The following CAND2 variants were observed in gnomAD, a reference collection of about 807,000 sequenced individuals.
CAND2 encodes cullin associated and neddylation dissociated 2 (putative).
Under a neutral mutation model 98.9 loss-of-function variants are expected in CAND2, and 62 were observed. The observed-to-expected ratio is 0.63, with a 90% CI of 0.51 to 0.77. The LOEUF (loss-of-function observed/expected upper bound fraction) is 0.77, where lower values mean the gene tolerates loss of function less well. Among genes scored for constraint, CAND2 ranks in the 30% least tolerant of loss-of-function variants. The pLI is 0.00. For synonymous variants in CAND2, 770 were observed against 731.9 expected, an observed-to-expected ratio of 1.05 and a Z score of -0.84; for missense variants, 1,501 against 1,655.2, an observed-to-expected ratio of 0.91 and a Z score of 1.62.
At position 12,810,262 on chromosome 3, in the gene CAND2, C is replaced by A. The variant is rs970125797; in HGVS notation, c.695C>A (p.Thr232Asn). Residue 232 changes from threonine (T) to asparagine (N), a missense_variant, in exon 5 of 15, where the codon ACT becomes AAT. Physicochemically the swap from Thr to Asn is moderately conservative, Grantham distance 65. Transcript: ENST00000456430. ...GGCCCGCGGGTGCCCACCAGCCCGA[C>A]TGCCATCCGCACCCTGATCCAATGT... is the stretch of plus-strand genomic sequence containing the variant. ...LPGPRVPTSP[T>N]AIRTLIQCLG... The A allele has an allele frequency of 3.3e-6, 5 of 1,514,174 alleles. No homozygotes were observed. In the Admixed American group the frequency reaches 6.3e-5, roughly 19 times the overall value. The allele number at this position is 1,514,174 out of a possible 1,614,324, so 93.8% of individuals were successfully genotyped here.
chr3:12,819,011 C>T (rs549061047), intron 10 of CAND2, among the ~76,000 whole-genome samples: 1 of 152,348 alleles, frequency 6.6e-6, no homozygotes, highest in Admixed American at 6.5e-5. Context: ...TGCTGGGAAG[C>T]TTAGAGCCAG....
rs757999829 is a variant in CAND2 at position 12,815,337 on chromosome 3, C to T, written c.1203C>T (p.Ile401=). 1.4e-5 allele frequency: 23 copies of T among 1,613,860 alleles called. No homozygotes were observed. The highest frequency in any genetic ancestry group is 4.0e-5 in the African/African-American group (3 of 74,930). The change falls in exon 8 of 15, where the codon ATC becomes ATT. Residue 401 remains isoleucine, a synonymous_variant. Coordinates refer to ENST00000456430, the MANE Select transcript of CAND2 (RefSeq NM_001162499.2). This position sits in a 1 kb window ranked among gnomAD's most constrained non-coding sequence, Gnocchi z 5.7. ...AGGCTGACGTCTTCACTGCTTACATCGTGCTGCTGCGGCAAACACAGCCCC... is the reference window on the plus strand; with the variant it reads ...AGGCTGACGTCTTCACTGCTTACATTGTGCTGCTGCGGCAAACACAGCCCC... ...NVKADVFTAY[I]VLLRQTQPPK... is the part of the protein sequence containing the mutation.
In CAND2 at chr3:12,807,458, C is replaced by A. The variant is rs1228426759; in HGVS notation, c.365C>A (p.Thr122Lys). The stretch of plus-strand genomic sequence containing the variant: ...CTCTCGGAGCTCCCTCCTGCAGCCA[C>A]AGGTACCCAGGTCCCCAGGACTAGG... The part of the protein sequence containing the change: ...TVLSELPPAA[T>K]GSGLATNVCR... The change falls in exon 3 of 15, where the codon ACA becomes AAA. Residue 122 changes from threonine (T) to lysine (K), a missense_variant and splice_region_variant. This residue lies in a region of CAND2 where 1,427 missense variants were observed against 1,545.3 expected (regional missense o/e 0.92). Transcript: ENST00000456430. 2 of 1,551,324 alleles carry A rather than the reference C, an allele frequency of 1.3e-6. No individual in the cohort carries two copies. Among genetic ancestry groups the A allele is most frequent in the Non-Finnish European group, 1.7e-6 (2 of 1,146,814 alleles).
rs764659354 is a variant in CAND2 at position 12,825,551 on chromosome 3, A to G, written c.3122A>G (p.Asn1041Ser). The G allele has an allele frequency of 5.0e-6, 8 of 1,610,208 alleles. No homozygotes were observed. The highest frequency in any genetic ancestry group is 2.2e-5 in the East Asian group (1 of 44,820). The change falls in exon 12 of 15, where the codon AAC becomes AGC. Residue 1041 changes from asparagine to serine, a missense_variant. Asn to Ser is a conservative substitution (Grantham distance 46). Transcript: ENST00000456430. ...TLAFFNSAVH[N>S]KPSLVRDLLD... ...GCTTTCTTCAACTCAGCTGTGCACA[A>G]CAAGCCCTCGCTAGTCCGGGACCTG...
chr3:12,812,221 C>CTTTTTTCTTTTTTTTTTTTTTTTTTTTT (rs2061857239), intron 5 of CAND2, among the ~76,000 whole-genome samples: 1 of 74,514 alleles, frequency 1.3e-5, no homozygotes, highest in African/African-American at 5.8e-5. Flanking sequence ...AGCTGTTTAT[C>CTTTTTTCTTTTTTTTTTTTTTTTTTTTT]TTTTTTTTTT....
rs2061923189 is a variant in CAND2 at position 12,817,885 on chromosome 3, A to G, written c.2944+9A>G. The G allele has an allele frequency of 6.7e-7, 1 of 1,503,688 alleles. No individual in the cohort carries two copies. The highest frequency in any genetic ancestry group is 2.3e-5 in the East Asian group (1 of 43,226). The allele number at this position is 1,503,688 out of a possible 1,614,324, so 93.1% of individuals were successfully genotyped here. On this transcript the variant is annotated intron_variant, in intron 10 of 14. Coordinates refer to ENST00000456430, the MANE Select transcript of CAND2 (RefSeq NM_001162499.2). The stretch of plus-strand genomic sequence containing the variant: ...GAAGCAGCTTGCTGCAGGTAGGCAC[A>G]CAGGTGTGGGCAAGGCAGCCCACCT...
At chr3:12,833,612 G>C (rs2062073181) in intron 14 of CAND2, 143 bp from the exon 15 acceptor site, 2 of 673,934 alleles carry the variant, frequency 3.0e-6, no homozygotes, top group Non-Finnish European at 5.2e-6. Flanking sequence ...TAGCTGGTGA[G>C]ACAGAAGCCT....
intron 14 of CAND2, 94 bp from the exon 15 acceptor site, chr3:12,833,661 G>C: frequency 1.0e-6 from 1 of 957,854 alleles, no homozygotes; most frequent in Non-Finnish European, 1.7e-6. Context: ...TGGGGAAGAT[G>C]ATGGGGCAGA....
At position 12,816,286 on chromosome 3, in the gene CAND2, G is replaced by A. The variant is rs772370037; in HGVS notation, c.1442-88G>A. 3.0e-5 allele frequency: 39 copies of A among 1,317,772 alleles called. No individual in the cohort carries two copies. The Admixed American group carries it at 5.7e-4, about 19-fold the overall frequency. 81.6% of individuals were successfully genotyped at this position (1,317,772 alleles called of 1,614,324 possible). On this transcript the variant is annotated intron_variant, in intron 9 of 14. Transcript: ENST00000456430. ...GTTTAGGTGCTTCAGTCCAGCTCAG[G>A]CACTTGTAGGTACCCCAGCCTTGCT...
chr3:12,824,333 T>C (rs2061982264), intron 11 of CAND2, among the ~76,000 whole-genome samples: 1 of 152,166 alleles, frequency 6.6e-6, no homozygotes, highest in Admixed American at 6.6e-5. Flanking sequence ...GAAGAGAAAT[T>C]CATTCCTCAC....
intron 2 of CAND2, 125 bp downstream of exon 2, chr3:12,803,756 G>A: frequency 1.3e-6 from 1 of 789,476 alleles, no homozygotes; most frequent in Non-Finnish European, 1.9e-6. Context: ...TCGTTGAATG[G>A]TACCTTAGTC....
At chr3:12,823,662 A>G (rs1320608594) in intron 11 of CAND2, among the ~76,000 whole-genome samples, 3 of 152,154 alleles carry the variant, frequency 2.0e-5, no homozygotes, top group Admixed American at 1.3e-4. Flanking sequence ...CCCGGGAGGC[A>G]GAGCTTGCAG....
chr3:12,816,138 GT>G, intron 9 of CAND2, 130 bp downstream of exon 9: 1 of 969,736 alleles, frequency 1.0e-6, no homozygotes, highest in South Asian at 1.6e-5. Context: ...CTGGTCAAGA[GT>G]CTCCAGTGGC....
chr3:12,831,094 C>A (rs2062050081), intron 13 of CAND2, among the ~76,000 whole-genome samples: 1 of 151,706 alleles, frequency 6.6e-6, no homozygotes, highest in Admixed American at 6.6e-5. Context: ...ATTGGGATTT[C>A]TTTTGAAAAC....
At chr3:12,801,857 T>G (rs1036802579) in intron 1 of CAND2, among the ~76,000 whole-genome samples, 5 of 152,312 alleles carry the variant, frequency 3.3e-5, no homozygotes, top group African/African-American at 9.6e-5. Flanking sequence ...GGGACTAGTA[T>G]TATTTAACAA....
intron 2 of CAND2, among the ~76,000 whole-genome samples, chr3:12,805,880 C>T (rs1039845516): frequency 2.6e-5 from 4 of 152,242 alleles, no homozygotes; most frequent in African/African-American, 9.6e-5. Context: ...CTTCTCAACC[C>T]CTTAAAGGCC....
chr3:12,827,982 C>CAA (rs199943213), intron 13 of CAND2, among the ~76,000 whole-genome samples: 3 of 121,472 alleles, frequency 2.5e-5, no homozygotes, highest in Non-Finnish European at 3.5e-5. Context: ...GACCCTGTCT[C>CAA]AAAAAAAAAA....
chr3:12,798,182 C>T (rs987622670), intron 1 of CAND2, among the ~76,000 whole-genome samples: 19 of 152,142 alleles, frequency 1.2e-4, no homozygotes, highest in African/African-American at 2.7e-4. Context: ...GCTTCATAAA[C>T]GGACACTGTT....
intron 5 of CAND2, among the ~76,000 whole-genome samples, chr3:12,810,617 C>G (rs75836568): frequency 6.6e-6 from 1 of 152,184 alleles, no homozygotes; most frequent in Non-Finnish European, 1.5e-5. Flanking sequence ...TGAGTGCAGA[C>G]GGTTCAGAGA....
Sources: allele counts gnomAD v4.1 joint callset (sites outside exome capture counted in the v4.1 genomes callset), GRCh38; gene constraint gnomAD v4.1.1; regional missense constraint gnomAD v4.1.1; non-coding constraint Gnocchi (gnomAD v3.1); transcripts MANE v1.5; gene names NCBI Gene and HGNC (gene_info 2026-07-23, HGNC 2026-07-21).